EPS15: variants seen among roughly 807,000 people sequenced by gnomAD.
EPS15 encodes epidermal growth factor receptor substrate 15.
Under a neutral mutation model 113.8 loss-of-function variants are expected in EPS15, and 72 were observed. The ratio of observed to expected loss-of-function variants is 0.63; its 90% CI spans 0.52 to 0.77. The LOEUF is 0.77. Ranked by LOEUF, EPS15 falls within the 30% of genes least tolerant of loss-of-function variation. The pLI is 0.00. For missense variants in EPS15, 1,048 were observed against 1,045.8 expected (o/e 1.00, Z -0.03); for synonymous variants, 344 against 363.4 (o/e 0.95, Z 0.61).
At chr1:51,510,969 C>T (rs1381774499) in intron 1 of EPS15, among the ~76,000 whole-genome samples, 2 of 151,956 alleles carry the variant, frequency 1.3e-5, no homozygotes, top group Admixed American at 1.3e-4. Context: ...AGTTCGAGAC[C>T]AGCCTGGCCA....
At chr1:51,458,423 T>C (rs1654177204) in intron 8 of EPS15, 1 of 305,524 alleles carries the variant, frequency 3.3e-6, no homozygotes, top group African/African-American at 2.3e-5. Context: ...ACACTACTAT[T>C]CCCCATCTAC....
intron 1 of EPS15, 65 bp from the exon 2 acceptor site, chr1:51,481,379 T>C (rs1644017807): frequency 5.2e-6 from 4 of 766,678 alleles, no homozygotes; most frequent in Non-Finnish European, 7.0e-6. Context: ...TATTTGGCAT[T>C]CATTCAACAG....
intron 1 of EPS15, among the ~76,000 whole-genome samples, chr1:51,509,251 AT>A (rs768904098): frequency 4.6e-5 from 7 of 151,098 alleles, no homozygotes; most frequent in South Asian, 2.1e-4. Flanking sequence ...ATAATTTCAT[AT>A]TTTTTATATA....
At chr1:51,383,428 G>A (rs1646985876) in intron 21 of EPS15, among the ~76,000 whole-genome samples, 2 of 152,144 alleles carry the variant, frequency 1.3e-5, no homozygotes, top group African/African-American at 4.8e-5. Flanking sequence ...AATTTTTTTA[G>A]GACTTGGGGG....
chr1:51,426,530 C>A (rs149254781), intron 12 of EPS15, among the ~76,000 whole-genome samples: 1 of 150,858 alleles, frequency 6.6e-6, no homozygotes, highest in African/African-American at 2.4e-5. Flanking sequence ...TGGACAAACA[C>A]GACCCTAGAT....
intron 21 of EPS15, 23 bp downstream of exon 21, chr1:51,394,358 A>G: frequency 6.7e-7 from 1 of 1,502,670 alleles, no homozygotes; most frequent in South Asian, 1.2e-5. Context: ...ATGTTCAATG[A>G]AGTTGATAAA....
intron 21 of EPS15, among the ~76,000 whole-genome samples, chr1:51,388,839 C>CA (rs1240636180): frequency 1.3e-5 from 2 of 152,008 alleles, no homozygotes; most frequent in African/African-American, 4.8e-5. Context: ...GCTTACCAAC[C>CA]AAAAAGAGTC....
At chr1:51,455,544 C>T (rs539337411) in intron 8 of EPS15, among the ~76,000 whole-genome samples, 1 of 151,816 alleles carries the variant, frequency 6.6e-6, no homozygotes, top group Admixed American at 6.6e-5. Context: ...GAGCCGAAAT[C>T]ACACTACCAT....
chr1:51,451,504 A>AG (rs1557482856), intron 8 of EPS15, among the ~76,000 whole-genome samples: 1 of 150,432 alleles, frequency 6.6e-6, no homozygotes, highest in African/African-American at 2.4e-5. Context: ...AAAAAAAAAA[A>AG]AAAAGAAAGA....
At chr1:51,385,979 T>A (rs1037318982) in intron 21 of EPS15, among the ~76,000 whole-genome samples, 3 of 152,202 alleles carry the variant, frequency 2.0e-5, no homozygotes, top group Non-Finnish European at 4.4e-5. Context: ...CACAACAATG[T>A]GAATGTACTT....
rs150883604 is a variant in EPS15, at chr1:51,508,385, A to G, written c.33+10814T>C. Among the ~76,000 whole-genome samples, 493 of 146,334 alleles carry G rather than the reference A, an allele frequency of 3.4e-3. 2 individuals are homozygous for G. Among genetic ancestry groups the G allele is most frequent in the African/African-American group, 0.012 (459 of 38,272 alleles). On this transcript the variant is annotated intron_variant, in intron 1 of 24. Transcript: ENST00000371733. ...GAAAGAAAGAAAGAAAGAAAGAAAG[A>G]GAAAATTTAAACAAATACATATAAA...
At chr1:51,387,426 ACCAG>A (rs773842043) in intron 21 of EPS15, among the ~76,000 whole-genome samples, 1 of 152,104 alleles carries the variant, frequency 6.6e-6, no homozygotes, top group Non-Finnish European at 1.5e-5. Flanking sequence ...GAGCAAAATC[ACCAG>A]CTAACATCAT....
intron 2 of EPS15, among the ~76,000 whole-genome samples, chr1:51,478,149 G>A (rs1191839467): frequency 6.6e-6 from 1 of 152,292 alleles, no homozygotes; most frequent in Admixed American, 6.5e-5. Flanking sequence ...TGTATTGGGT[G>A]TATATATATT....
At chr1:51,422,436 T>C (rs558925111) in intron 12 of EPS15, among the ~76,000 whole-genome samples, 21 of 152,332 alleles carry the variant, frequency 1.4e-4, no homozygotes, top group Admixed American at 1.1e-3. Flanking sequence ...AAAGCTATTT[T>C]AGGACCATAT....
intron 1 of EPS15, among the ~76,000 whole-genome samples, chr1:51,508,328 AAG>A (rs1348988023): frequency 2.6e-3 from 220 of 85,360 alleles, no homozygotes; most frequent in Middle Eastern, 6.2e-3. Flanking sequence ...GAAAGAGAGA[AAG>A]AGAAAGAGAG....
At chr1:51,447,987 T>G in intron 9 of EPS15, 59 bp downstream of exon 9, 1 of 1,594,640 alleles carries the variant, frequency 6.3e-7, no homozygotes, top group Admixed American at 1.8e-5. Flanking sequence ...TAAGGAGTGG[T>G]AAGATTCCTT....
chr1:51,379,716 A>G (rs1646892038), intron 21 of EPS15, among the ~76,000 whole-genome samples: 1 of 151,968 alleles, frequency 6.6e-6, no homozygotes, highest in Admixed American at 6.6e-5. Flanking sequence ...CAGGAGTTTG[A>G]GACCAGCCTG....
chr1:51,498,228 C>A (rs2148546975), intron 1 of EPS15, among the ~76,000 whole-genome samples: 1 of 152,336 alleles, frequency 6.6e-6, no homozygotes, highest in African/African-American at 2.4e-5. Flanking sequence ...GAAACACCCA[C>A]ATACCCATAT....
At chr1:51,415,692 A>G (rs1486433673) in intron 13 of EPS15, among the ~76,000 whole-genome samples, 1 of 144,280 alleles carries the variant, frequency 6.9e-6, no homozygotes, top group Non-Finnish European at 1.5e-5. Context: ...GCTACTTGGG[A>G]GGCTGAGGCA....
Sources: gnomAD v4.1 joint callset for allele counts (sites outside exome capture counted in the v4.1 genomes callset) on GRCh38, gnomAD v4.1.1 for gene constraint, MANE v1.5 for transcripts, NCBI Gene and HGNC (gene_info 2026-07-23, HGNC 2026-07-21) for gene names.